TAF1: variants seen among roughly 807,000 people sequenced by gnomAD.
TAF1 encodes the protein transcription initiation factor TFIID subunit 1.
In TAF1, 2 loss-of-function variants were observed where a neutral mutation model predicts 138.5. That is an observed-to-expected ratio of 0.01 (90% CI 0.01 to 0.05). The LOEUF is 0.05. TAF1 is among the 10% of genes least tolerant of loss of function. The pLI is 1.00. For missense variants in TAF1, 709 were observed against 1,478.0 expected (o/e 0.48, Z 8.53); for synonymous variants, 437 against 503.2 (o/e 0.87, Z 1.76).
intron 32 of TAF1, among the ~76,000 whole-genome samples, chrX:71,435,174 A>G (rs1289230232): frequency 8.9e-6 from 1 of 111,958 alleles, no homozygotes; most frequent in Non-Finnish European, 1.9e-5. Flanking sequence ...GTGTCATGAA[A>G]CCTGAGAGCC....
intron 13 of TAF1, among the ~76,000 whole-genome samples, chrX:71,474,457 T>C (rs1015185618): frequency 3.3e-4 from 37 of 111,017 alleles, no homozygotes; most frequent in African/African-American, 1.2e-3. Flanking sequence ...ATGGGCTAGA[T>C]TTGGGAGATG....
intron 15 of TAF1, 116 bp downstream of exon 15, chrX:71,387,577 T>C (rs2148329204): frequency 3.6e-6 from 3 of 834,986 alleles, no homozygotes; most frequent in Non-Finnish European, 5.1e-6. Context: ...GGTGAATGGA[T>C]CACTTGAGGT....
downstream of TAF1, among the ~76,000 whole-genome samples, chrX:71,468,793 G>A (rs1488182607): frequency 9.2e-6 from 1 of 109,011 alleles, no homozygotes; most frequent in African/African-American, 3.4e-5. Flanking sequence ...AGGAGTTCAA[G>A]ACCAGTCTGG....
chrX:71,400,705 T>C (rs1602547047), intron 24 of TAF1, among the ~76,000 whole-genome samples: 1 of 112,420 alleles, frequency 8.9e-6, no homozygotes, highest in African/African-American at 3.2e-5. Flanking sequence ...TCAAATGATA[T>C]GTCCACAGTG....
At chrX:71,488,947 A>C (rs1293768496) in intron 13 of TAF1, among the ~76,000 whole-genome samples, 1 of 109,381 alleles carries the variant, frequency 9.1e-6, no homozygotes, top group Non-Finnish European at 1.9e-5. Flanking sequence ...CACGCCTGTG[A>C]TCCTAGCTAC....
intron 1 of TAF1, 44 bp from the exon 2 acceptor site, chrX:71,367,455 G>A (rs746229042): frequency 1.7e-6 from 2 of 1,187,090 alleles, no homozygotes; most frequent in South Asian, 1.8e-5. Context: ...TGTGGGAGTC[G>A]TAGGTTTAGT....
Position 71,456,649 on chromosome X carries a change from C to CTTTTTT in TAF1, c.4939-1554_4939-1549dup. 5.4e-3 allele frequency among the ~76,000 whole-genome samples: 146 copies of CTTTTTT among 26,824 alleles called. 38 individuals carry two copies. The highest frequency in any genetic ancestry group is 7.5e-3 in the Non-Finnish European group (118 of 15,748). 23.3% of individuals were successfully genotyped at this position (26,824 alleles called of 115,157 possible). On this transcript the variant is annotated intron_variant, in intron 34 of 37. Transcript: ENST00000423759. ...ATGGTGGTGGTCAATAATGTATTTT[C>CTTTTTT]TTTTTTTTTTTTTTTTTTTTTTTTT... is the stretch of plus-strand genomic sequence containing the variant.
At chrX:71,453,027 G>A (rs376875499) in intron 32 of TAF1, among the ~76,000 whole-genome samples, 1 of 111,137 alleles carries the variant, frequency 9.0e-6, no homozygotes, top group South Asian at 3.9e-4. Context: ...TCCAGCTTCG[G>A]CTCGGCATCA....
chrX:71,368,491 A>G (rs1240900287), intron 3 of TAF1, among the ~76,000 whole-genome samples: 1 of 111,482 alleles, frequency 9.0e-6, no homozygotes, highest in African/African-American at 3.3e-5. Context: ...GTTGGAAACT[A>G]TGAAACAAAT....
chrX:71,377,758 G>A lies in TAF1; in HGVS notation c.870G>A (p.Lys290=). The A allele has an allele frequency of 1.7e-6, 2 of 1,211,714 alleles. No homozygotes were observed. Among genetic ancestry groups the A allele is most frequent in the East Asian group, 3.0e-5 (1 of 33,853 alleles). The change falls in exon 6 of 38, where the codon AAG becomes AAA. Residue 290 remains lysine (K), a synonymous_variant. Coordinates refer to ENST00000423759, the MANE Select transcript of TAF1 (RefSeq NM_004606.5). ...CAGTAGAATCAGAAGTCAGCCAGAA[G>A]TCTTTGTGGAACTACGACTACGCTC... The part of the protein sequence containing the change: ...ECSVESEVSQ[K]SLWNYDYAPP...
At chrX:71,482,103 C>G (rs768697285) in intron 13 of TAF1, among the ~76,000 whole-genome samples, 1 of 111,656 alleles carries the variant, frequency 9.0e-6, no homozygotes, top group South Asian at 3.8e-4. Context: ...CACAGGATGG[C>G]TGCTTTAGTT....
intron 27 of TAF1, 127 bp from the exon 28 acceptor site, chrX:71,407,847 C>T (rs1332740214): frequency 2.0e-5 from 20 of 980,871 alleles, no homozygotes; most frequent in Middle Eastern, 3.2e-4. Flanking sequence ...AGGAAACAGA[C>T]GTGCTCCATC....
At chrX:71,366,854 G>A (rs1268166923) in intron 1 of TAF1, among the ~76,000 whole-genome samples, 2 of 111,466 alleles carry the variant, frequency 1.8e-5, no homozygotes, top group Non-Finnish European at 3.8e-5. Flanking sequence ...TGACATCGCT[G>A]CCCTGAGATG....
intron 13 of TAF1, among the ~76,000 whole-genome samples, chrX:71,493,543 G>C (rs1212811622): frequency 1.8e-5 from 2 of 112,646 alleles, no homozygotes; most frequent in South Asian, 7.2e-4. Flanking sequence ...TAGAAATGTC[G>C]CAAGGTTTTC....
At chrX:71,373,314 C>T (rs974927040) in intron 3 of TAF1, among the ~76,000 whole-genome samples, 10 of 109,681 alleles carry the variant, frequency 9.1e-5, no homozygotes, top group African/African-American at 3.3e-4. Flanking sequence ...ACTACAGGCC[C>T]GTGCCACCTC....
rs1243357422 is a variant in TAF1 at position 71,465,027 on chromosome X, CTG to C, written c.*985_*986del. ...AATGGTAAGTTTCTTAGGGCAAAGA[CTG>C]TGTCTTCTGTTTCTTTTCATGCTTA... is the stretch of plus-strand genomic sequence containing the variant. On this transcript the variant is annotated 3_prime_UTR_variant, in exon 38 of 38. Transcript: ENST00000423759. 1.0e-5 allele frequency: 1 copy of C among 98,038 alleles called. No individual in the cohort carries two copies. The highest frequency in any genetic ancestry group is 2.0e-5 in the Non-Finnish European group (1 of 49,441). 8.1% of individuals were successfully genotyped at this position (98,038 alleles called of 1,213,427 possible).
intron 14 of TAF1, 163 bp from the exon 15 acceptor site, chrX:71,387,098 G>T: frequency 1.9e-6 from 1 of 530,764 alleles, no homozygotes; most frequent in South Asian, 3.4e-5. Context: ...AAATTGTTTA[G>T]TCACATTTGA....
intron 32 of TAF1, among the ~76,000 whole-genome samples, chrX:71,440,406 A>G (rs1487866788): frequency 9.0e-6 from 1 of 111,382 alleles, no homozygotes; most frequent in Admixed American, 9.6e-5. Flanking sequence ...AATCATAGAC[A>G]GGGTTTTGGA....
intron 13 of TAF1, among the ~76,000 whole-genome samples, chrX:71,495,149 C>T (rs1206085211): frequency 1.8e-5 from 2 of 111,972 alleles, no homozygotes; most frequent in African/African-American, 3.2e-5. Context: ...GCTCTAACTA[C>T]TTCCTGCTGG....
Sources: allele counts gnomAD v4.1 joint callset (sites outside exome capture counted in the v4.1 genomes callset), GRCh38; gene constraint gnomAD v4.1.1; transcripts MANE v1.5; gene names NCBI Gene and HGNC (gene_info 2026-07-23, HGNC 2026-07-21).